SGCZ: variants seen among roughly 807,000 people sequenced by gnomAD.
SGCZ encodes zeta-sarcoglycan.
In SGCZ, 40 loss-of-function variants were observed where a neutral mutation model predicts 41.3. The ratio of observed to expected loss-of-function variants is 0.97; its 90% CI spans 0.75 to 1.26. SGCZ has a LOEUF of 1.26. SGCZ is among the 50% of genes most tolerant of loss of function. The pLI, the probability that SGCZ is intolerant of heterozygous loss-of-function variation, is 0.00. For synonymous variants in SGCZ, 206 were observed against 137.5 expected (o/e 1.50, Z -3.49); for missense variants, 552 against 369.8 (o/e 1.49, Z -4.04).
At chr8:14,367,777 T>C (rs1481505190) in intron 2 of SGCZ, among the ~76,000 whole-genome samples, 2 of 152,056 alleles carry the variant, frequency 1.3e-5, no homozygotes, top group Non-Finnish European at 2.9e-5. Flanking sequence ...CCTAAACACT[T>C]GGGGACTGCA....
At chr8:14,885,957 G>C (rs1804774168) in intron 1 of SGCZ, among the ~76,000 whole-genome samples, 1 of 130,486 alleles carries the variant, frequency 7.7e-6, no homozygotes, top group Non-Finnish European at 1.6e-5. Context: ...TGTACAGTCT[G>C]TCTTTTTTAA....
chr8:14,860,212 C>A (rs1019500778), intron 1 of SGCZ, among the ~76,000 whole-genome samples: 7 of 147,104 alleles, frequency 4.8e-5, no homozygotes, highest in African/African-American at 2.5e-5. Context: ...TTTTTTTCTT[C>A]TTATTGACAT....
At chr8:14,538,514 G>A (rs1028064096) in intron 2 of SGCZ, among the ~76,000 whole-genome samples, 1 of 151,876 alleles carries the variant, frequency 6.6e-6, no homozygotes, top group African/African-American at 2.4e-5. Context: ...GGGTTTCTGT[G>A]GTGAAATTAC....
chr8:14,191,303 G>A (rs1447915742), intron 4 of SGCZ, among the ~76,000 whole-genome samples: 3 of 151,816 alleles, frequency 2.0e-5, no homozygotes, highest in African/African-American at 7.3e-5. Context: ...TCATTTTGTT[G>A]ATTATTTCCT....
At chr8:14,859,353 AT>A (rs1803645300) in intron 1 of SGCZ, among the ~76,000 whole-genome samples, 1 of 152,122 alleles carries the variant, frequency 6.6e-6, no homozygotes, top group South Asian at 2.1e-4. Flanking sequence ...GGTACTAGCA[AT>A]TTAATCTACC....
intron 1 of SGCZ, among the ~76,000 whole-genome samples, chr8:14,562,131 G>A (rs997586651): frequency 2.0e-5 from 3 of 152,078 alleles, no homozygotes; most frequent in African/African-American, 7.2e-5. Context: ...TTTTACCTTA[G>A]TCCCTTGCCT....
At chr8:14,350,157 G>A (rs1554504023) in intron 2 of SGCZ, among the ~76,000 whole-genome samples, 9 of 151,708 alleles carry the variant, frequency 5.9e-5, no homozygotes, top group Non-Finnish European at 1.3e-4. Flanking sequence ...AAAAACAAAT[G>A]AACAAACAAA....
At chr8:14,461,877 T>A (rs369830911) in intron 2 of SGCZ, among the ~76,000 whole-genome samples, 1 of 152,096 alleles carries the variant, frequency 6.6e-6, no homozygotes, top group Non-Finnish European at 1.5e-5. Flanking sequence ...ACAGGAGTTA[T>A]TGAGACAGCT....
At chr8:14,447,074 A>G (rs1800454086) in intron 2 of SGCZ, among the ~76,000 whole-genome samples, 1 of 152,188 alleles carries the variant, frequency 6.6e-6, no homozygotes. Context: ...CAGAAAATAT[A>G]TGTTCTTAGA....
At chr8:14,814,553 CCAAAGAAATAATTGACCTTCT>C (rs1801839750) in intron 1 of SGCZ, among the ~76,000 whole-genome samples, 1 of 152,094 alleles carries the variant, frequency 6.6e-6, no homozygotes, top group African/African-American at 2.4e-5. Context: ...CATCTCATAG[CCAAAGAAATAATTGACCTTCT>C]ATCTATCTTG....
intron 1 of SGCZ, among the ~76,000 whole-genome samples, chr8:15,055,279 C>T (rs1352837070): frequency 6.6e-6 from 1 of 152,100 alleles, no homozygotes; most frequent in Non-Finnish European, 1.5e-5. Flanking sequence ...ATATTATGCT[C>T]AAAATAAAGC....
intron 1 of SGCZ, among the ~76,000 whole-genome samples, chr8:14,998,433 CTT>C (rs1802296152): frequency 6.6e-6 from 1 of 152,160 alleles, no homozygotes; most frequent in Non-Finnish European, 1.5e-5. Flanking sequence ...AGGAGCGTGA[CTT>C]TAACAGCAGA....
intron 1 of SGCZ, among the ~76,000 whole-genome samples, chr8:14,576,693 A>G (rs1804721931): frequency 6.6e-6 from 1 of 152,216 alleles, no homozygotes; most frequent in Non-Finnish European, 1.5e-5. Context: ...AACTGATTAG[A>G]GAGAGCAACA....
chr8:14,739,010 C>G (rs112556807), intron 1 of SGCZ, among the ~76,000 whole-genome samples: 110 of 152,166 alleles, frequency 7.2e-4, no homozygotes, highest in Non-Finnish European at 1.4e-3. Context: ...CATGCATTAT[C>G]AGGGCTTTTA....
intron 1 of SGCZ, among the ~76,000 whole-genome samples, chr8:14,756,591 T>A (rs1032325960): frequency 6.6e-6 from 1 of 152,210 alleles, no homozygotes; most frequent in African/African-American, 2.4e-5. Context: ...TTCTATCTCC[T>A]GCAAAAGAAT....
chr8:14,508,365 A>G (rs1802370453), intron 2 of SGCZ, among the ~76,000 whole-genome samples: 2 of 152,114 alleles, frequency 1.3e-5, no homozygotes, highest in South Asian at 2.1e-4. Context: ...AACTCTAAAA[A>G]TATTGTTGAG....
At chr8:14,706,311 T>A (rs1809331365) in intron 1 of SGCZ, among the ~76,000 whole-genome samples, 1 of 151,428 alleles carries the variant, frequency 6.6e-6, no homozygotes, top group Admixed American at 6.6e-5. Flanking sequence ...AAACTCACTA[T>A]TGGGATTCTT....
chr8:14,757,985 T>C (rs1442437101), intron 1 of SGCZ, among the ~76,000 whole-genome samples: 1 of 152,188 alleles, frequency 6.6e-6, no homozygotes, highest in Non-Finnish European at 1.5e-5. Flanking sequence ...TATGCATATA[T>C]GTATATACCC....
At chr8:15,174,550 C>T (rs1799942131) in intron 1 of SGCZ, among the ~76,000 whole-genome samples, 1 of 152,122 alleles carries the variant, frequency 6.6e-6, no homozygotes, top group South Asian at 2.1e-4. Flanking sequence ...AACAAAGACA[C>T]ATAAGAATTT....
Sources: gnomAD v4.1 joint callset for allele counts (sites outside exome capture counted in the v4.1 genomes callset) on GRCh38, gnomAD v4.1.1 for gene constraint, MANE v1.5 for transcripts, NCBI Gene and HGNC (gene_info 2026-07-23, HGNC 2026-07-21) for gene names.